GOLGA1: variants seen among roughly 807,000 people sequenced by gnomAD.
GOLGA1 encodes golgin subfamily A member 1.
Under a neutral mutation model 119.7 loss-of-function variants are expected in GOLGA1, and 63 were observed. The ratio of observed to expected loss-of-function variants is 0.53; its 90% confidence interval spans 0.43 to 0.65. The LOEUF is 0.65. Among genes scored for constraint, GOLGA1 ranks in the 30% least tolerant of loss-of-function variants. GOLGA1 has a pLI of 0.00. For missense variants in GOLGA1, 798 were observed against 912.8 expected (o/e 0.87, Z 1.62); for synonymous variants, 318 against 333.4 (o/e 0.95, Z 0.50).
intron 12 of GOLGA1, 80 bp downstream of exon 12, chr9:124,908,294 CAAG>C (rs1252159412): frequency 1.3e-6 from 1 of 785,876 alleles, no homozygotes; most frequent in Non-Finnish European, 2.3e-6. Flanking sequence ...AAACTCTGAC[CAAG>C]AAGATTCTCA....
chr9:124,930,496 G>A (rs1199699250), intron 4 of GOLGA1, among the ~76,000 whole-genome samples: 1 of 152,210 alleles, frequency 6.6e-6, no homozygotes, highest in Non-Finnish European at 1.5e-5. Flanking sequence ...GCTATGCTAT[G>A]AACCTTTGAT....
chr9:124,913,052 G>C (rs1009588103), intron 10 of GOLGA1, among the ~76,000 whole-genome samples: 1 of 152,178 alleles, frequency 6.6e-6, no homozygotes, highest in Non-Finnish European at 1.5e-5. Flanking sequence ...AAACTTACAA[G>C]CATGGCAGAA....
rs532073372 is a variant in GOLGA1 at position 124,911,270 on chromosome 9, G to C, written c.969+631C>G. On this transcript the variant is annotated intron_variant, in intron 11 of 22. Transcript: ENST00000373555. ...TGGAAACCCTGAAGTACAACCAGTG[G>C]CACTGGAGATGGAGGTATTTAGTTG... Among the ~76,000 whole-genome samples, 301 of 152,266 alleles carry C rather than the reference G, an allele frequency of 2.0e-3. 1 individual carries two copies. Among genetic ancestry groups the C allele is most frequent in the Non-Finnish European group, 1.5e-3 (99 of 68,008 alleles).
chr9:124,941,273 G>A (rs560646754), upstream of GOLGA1, among the ~76,000 whole-genome samples: 1 of 152,270 alleles, frequency 6.6e-6, no homozygotes, highest in Non-Finnish European at 1.5e-5. Flanking sequence ...GTCAGCGAGC[G>A]GCCAGAGCCA....
intron 8 of GOLGA1, 55 bp downstream of exon 8, chr9:124,923,040 A>T (rs1830601347): frequency 7.9e-7 from 1 of 1,261,050 alleles, no homozygotes; most frequent in Non-Finnish European, 1.1e-6. Context: ...GACTAGTAAA[A>T]TCAGAGTGAA....
rs150215809 is a variant in GOLGA1, at chr9:124,883,185, C to T, written c.1906-616G>A. ...CACGATCTCAGCTCACTGCAACCTC[C>T]GCCTCCTGGGTTCAAGTGATTCTCC... is the stretch of plus-strand genomic sequence containing the variant. On this transcript the variant is annotated intron_variant, in intron 19 of 22. Transcript: ENST00000373555. Among the ~76,000 whole-genome samples, 51 of 151,980 alleles carry T rather than the reference C, an allele frequency of 3.4e-4. 3 individuals are homozygous for T. In the East Asian group the frequency reaches 9.1e-3, roughly 27 times the overall value.
rs1829615591 is a variant in GOLGA1, at chr9:124,882,577, A to G, written c.1906-8T>C. ...CTGCATCTGCTTTATGGTCTGCGAC[A>G]AGCCCCACCCCACAGAAAGCCAATC... On this transcript the variant is annotated splice_polypyrimidine_tract_variant and splice_region_variant and intron_variant, in intron 19 of 22. Coordinates refer to ENST00000373555, the MANE Select transcript of GOLGA1 (RefSeq NM_002077.4). The G allele has an allele frequency of 1.2e-5, 20 of 1,610,778 alleles. No individual in the cohort carries two copies. The highest frequency in any genetic ancestry group is 1.7e-5 in the Non-Finnish European group (20 of 1,178,760).
In GOLGA1 at chr9:124,888,236, G is replaced by A. The variant is rs567852926; in HGVS notation, c.1905+17C>T. ...ACCTGGTGGAGACAGAAACAGCCAT[G>A]CAAAAGGCATCCTCACCTTATTTTT... is the stretch of plus-strand genomic sequence containing the variant. On this transcript the variant is annotated intron_variant, in intron 19 of 22. Transcript: ENST00000373555. This position sits in a 1 kb window ranked among gnomAD's most constrained non-coding sequence, Gnocchi z 4.4. 146 of 1,612,204 alleles carry A rather than the reference G, an allele frequency of 9.1e-5. 2 individuals carry two copies. In the South Asian group the frequency reaches 1.5e-3, roughly 16 times the overall value.
rs1045305997 is a variant in GOLGA1 at position 124,911,763 on chromosome 9, C to T, written c.969+138G>A. The stretch of plus-strand genomic sequence containing the variant: ...AAGGCTCTTTCTGATGTAAGCAGGA[C>T]AAGCCAAAGTTGGAGACACTTCTTT... On this transcript the variant is annotated intron_variant, in intron 11 of 22. Coordinates refer to ENST00000373555, the MANE Select transcript of GOLGA1 (RefSeq NM_002077.4). The T allele has an allele frequency of 2.6e-5, 19 of 721,560 alleles. No individual in the cohort carries two copies. The African/African-American group carries it at 2.8e-4, about 11-fold the overall frequency. 44.7% of individuals were successfully genotyped at this position (721,560 alleles called of 1,614,324 possible).
chr9:124,884,272 A>G (rs1829663546), intron 19 of GOLGA1, among the ~76,000 whole-genome samples: 1 of 151,970 alleles, frequency 6.6e-6, no homozygotes, highest in South Asian at 2.1e-4. Context: ...TTGGCCTCCC[A>G]AAGTGATGAA....
chr9:124,909,888 C>A (rs1489544949), intron 11 of GOLGA1, among the ~76,000 whole-genome samples: 2 of 152,136 alleles, frequency 1.3e-5, no homozygotes, highest in Admixed American at 1.3e-4. Context: ...CTTCAGCCTC[C>A]TGAGTAGCTG....
At chr9:124,886,969 G>C (rs1442195792) in intron 19 of GOLGA1, among the ~76,000 whole-genome samples, 1 of 152,190 alleles carries the variant, frequency 6.6e-6, no homozygotes, top group African/African-American at 2.4e-5. Flanking sequence ...TGAATGCCCA[G>C]GTGATGGCAC....
At position 124,900,508 on chromosome 9, in the gene GOLGA1, G is replaced by A; in HGVS notation, c.1105C>T (p.Gln369Ter). Residue 369 changes from glutamine to a stop codon, truncating the protein, a stop_gained, in exon 13 of 23, where the codon CAG (glutamine) becomes TAG (stop). Coordinates refer to ENST00000373555, the MANE Select transcript of GOLGA1 (RefSeq NM_002077.4). LOFTEE classifies it high-confidence loss of function. ...LEQTLQASEEQLQQSKGIVAA... is the reference protein window; with the variant it reads ...LEQTLQASEE ...ACAATGCCCTTGCTCTGTTGGAGCTGCTCCTCAGAGGCCTGCAAGGTCTGC... is the reference window on the plus strand; with the variant it reads ...ACAATGCCCTTGCTCTGTTGGAGCTACTCCTCAGAGGCCTGCAAGGTCTGC... 1 of 1,601,628 alleles carries A rather than the reference G, an allele frequency of 6.2e-7. No homozygotes were observed. Among genetic ancestry groups the A allele is most frequent in the Non-Finnish European group, 8.6e-7 (1 of 1,168,728 alleles).
chr9:124,907,236 A>C (rs1319520033), intron 12 of GOLGA1, among the ~76,000 whole-genome samples: 1 of 152,208 alleles, frequency 6.6e-6, no homozygotes, highest in Non-Finnish European at 1.5e-5. Flanking sequence ...AGCAAGAGGA[A>C]TCAATTCAGA....
intron 10 of GOLGA1, 81 bp downstream of exon 10, chr9:124,921,048 C>A: frequency 1.2e-6 from 1 of 844,990 alleles, no homozygotes; most frequent in South Asian, 1.3e-5. Context: ...TGTTCAGTAG[C>A]TACTCTCAGG....
chr9:124,939,746 G>C (rs1016038490), intron 2 of GOLGA1, among the ~76,000 whole-genome samples: 15 of 151,758 alleles, frequency 9.9e-5, no homozygotes, highest in Admixed American at 4.6e-4. Context: ...ATTTTTAGTA[G>C]AGACGAGGTT....
Position 124,881,133 on chromosome 9 carries a change from T to TC in GOLGA1, c.2223+37_2223+38insG. 9.2e-7 allele frequency: 1 copy of TC among 1,081,406 alleles called. No individual in the cohort carries two copies. The highest frequency in any genetic ancestry group is 1.2e-5 in the South Asian group (1 of 80,894). The allele number at this position is 1,081,406 out of a possible 1,614,324, so 67.0% of individuals were successfully genotyped here. On this transcript the variant is annotated intron_variant, in intron 22 of 22. Transcript: ENST00000373555. This position sits in a 1 kb window ranked among gnomAD's most constrained non-coding sequence, Gnocchi z 4.9. ...GCTACTGCTGGGATAACTGACAACG[T>TC]ATCTTGGAAGCTGGAACAGTAGACC...
At chr9:124,929,103 T>A in intron 5 of GOLGA1, 113 bp downstream of exon 5, 1 of 700,494 alleles carries the variant, frequency 1.4e-6, no homozygotes, top group Non-Finnish European at 2.6e-6. Flanking sequence ...AGTACACTAC[T>A]TATAAAATAA....
intron 15 of GOLGA1, among the ~76,000 whole-genome samples, chr9:124,891,473 G>T (rs894237200): frequency 6.6e-6 from 1 of 152,202 alleles, no homozygotes; most frequent in Non-Finnish European, 1.5e-5. Flanking sequence ...ATCTACCATC[G>T]TAGTGGAAGA....
Sources: allele counts gnomAD v4.1 joint callset (sites outside exome capture counted in the v4.1 genomes callset), GRCh38; gene constraint gnomAD v4.1.1; non-coding constraint Gnocchi (gnomAD v3.1); transcripts MANE v1.5; gene names NCBI Gene and HGNC (gene_info 2026-07-23, HGNC 2026-07-21).